KCNIP4: variants seen among roughly 807,000 people sequenced by gnomAD.
KCNIP4 encodes the protein potassium voltage-gated channel interacting protein 4.
Under a neutral mutation model 34.0 loss-of-function variants are expected in KCNIP4, and 12 were observed. The observed-to-expected ratio is 0.35, with a 90% CI of 0.23 to 0.57. The LOEUF (loss-of-function observed/expected upper bound fraction) is 0.57, where lower values mean the gene tolerates loss of function less well. Among genes scored for constraint, KCNIP4 ranks in the 20% least tolerant of loss-of-function variants. The probability of loss-of-function intolerance (pLI) is 0.83; values close to 1 mark genes in which losing one functional copy is unlikely to be tolerated. For missense variants in KCNIP4, 238 were observed against 311.7 expected, an observed-to-expected ratio of 0.76 and a Z score of 1.78; for synonymous variants, 124 against 102.2, an observed-to-expected ratio of 1.21 and a Z score of -1.29.
At chr4:21,079,689 C>T (rs1034890923) in intron 1 of KCNIP4, among the ~76,000 whole-genome samples, 3 of 151,932 alleles carry the variant, frequency 2.0e-5, no homozygotes, top group Non-Finnish European at 4.4e-5. Flanking sequence ...ATTAAGGTTG[C>T]TAATCAGTTG....
intron 1 of KCNIP4, among the ~76,000 whole-genome samples, chr4:21,626,687 AG>A (rs1745355223): frequency 6.6e-6 from 1 of 152,140 alleles, no homozygotes; most frequent in Non-Finnish European, 1.5e-5. Context: ...CAAGCTGTGT[AG>A]ACAACCCTTC....
At chr4:20,740,670 T>C (rs1030685092) in intron 5 of KCNIP4, among the ~76,000 whole-genome samples, 4 of 152,124 alleles carry the variant, frequency 2.6e-5, no homozygotes, top group Non-Finnish European at 5.9e-5. Context: ...CATCAACTAA[T>C]GAGCAAAATA....
intron 1 of KCNIP4, among the ~76,000 whole-genome samples, chr4:21,065,235 T>G (rs905899813): frequency 6.6e-6 from 1 of 151,958 alleles, no homozygotes; most frequent in Non-Finnish European, 1.5e-5. Flanking sequence ...TGTCTTAAAA[T>G]AATCGAGTGT....
intron 3 of KCNIP4, among the ~76,000 whole-genome samples, chr4:20,830,436 C>A (rs980916016): frequency 6.6e-6 from 1 of 152,082 alleles, no homozygotes; most frequent in Non-Finnish European, 1.5e-5. Context: ...ATTCATTTTT[C>A]TCTCTCTTTC....
At chr4:21,628,347 T>C (rs1276467582) in intron 1 of KCNIP4, among the ~76,000 whole-genome samples, 1 of 152,206 alleles carries the variant, frequency 6.6e-6, no homozygotes, top group Non-Finnish European at 1.5e-5. Context: ...ATCTTCATTT[T>C]GCCTGACTAT....
At chr4:21,423,849 C>A (rs1725709950) in intron 1 of KCNIP4, among the ~76,000 whole-genome samples, 1 of 151,664 alleles carries the variant, frequency 6.6e-6, no homozygotes, top group Non-Finnish European at 1.5e-5. Flanking sequence ...GCTCTGTCGC[C>A]CAGGCTGGAG....
intron 1 of KCNIP4, among the ~76,000 whole-genome samples, chr4:21,446,513 A>G (rs1423673536): frequency 1.3e-5 from 2 of 151,682 alleles, no homozygotes; most frequent in Non-Finnish European, 2.9e-5. Flanking sequence ...TTCTCAGCAA[A>G]CTATCGCAAG....
At chr4:20,948,747 C>T (rs1732459337) in intron 1 of KCNIP4, among the ~76,000 whole-genome samples, 1 of 152,126 alleles carries the variant, frequency 6.6e-6, no homozygotes, top group Non-Finnish European at 1.5e-5. Flanking sequence ...TTGGAGATGA[C>T]TCCCTTTGTT....
intron 1 of KCNIP4, among the ~76,000 whole-genome samples, chr4:21,380,259 A>G (rs928485034): frequency 6.6e-6 from 1 of 152,108 alleles, no homozygotes; most frequent in Non-Finnish European, 1.5e-5. Flanking sequence ...AGATAATACT[A>G]TGTAAATATT....
At chr4:21,857,850 C>T (rs1724851662) in intron 1 of KCNIP4, among the ~76,000 whole-genome samples, 1 of 152,204 alleles carries the variant, frequency 6.6e-6, no homozygotes, top group African/African-American at 2.4e-5. Flanking sequence ...GGCAGTGGCC[C>T]TTCAGGGAGC....
At chr4:21,750,367 T>C (rs1717074193) in intron 1 of KCNIP4, among the ~76,000 whole-genome samples, 1 of 152,164 alleles carries the variant, frequency 6.6e-6, no homozygotes, top group Admixed American at 6.6e-5. Context: ...CAAAAACTTA[T>C]GCTGAGGTAG....
intron 1 of KCNIP4, among the ~76,000 whole-genome samples, chr4:21,134,197 G>A (rs1163963715): frequency 6.6e-6 from 1 of 152,128 alleles, no homozygotes; most frequent in Non-Finnish European, 1.5e-5. Flanking sequence ...CCACCCCTGA[G>A]ATAGTAAGAC....
intron 1 of KCNIP4, among the ~76,000 whole-genome samples, chr4:21,178,188 G>T (rs890181005): frequency 6.6e-6 from 1 of 152,096 alleles, no homozygotes. Flanking sequence ...TAATGAAAGT[G>T]GTTAGTCTGG....
At chr4:21,274,251 T>C (rs553737391) in intron 1 of KCNIP4, among the ~76,000 whole-genome samples, 2 of 152,276 alleles carry the variant, frequency 1.3e-5, no homozygotes, top group African/African-American at 2.4e-5. Flanking sequence ...GAATTAAAAA[T>C]TGTGGATCCA....
chr4:21,739,747 G>T (rs79044278), intron 1 of KCNIP4, among the ~76,000 whole-genome samples: 299 of 152,168 alleles, frequency 2.0e-3, no homozygotes, highest in Non-Finnish European at 3.6e-3. Context: ...TTGTCAGGTT[G>T]TCTTGAATAG....
At chr4:21,601,148 A>T (rs1743109303) in intron 1 of KCNIP4, among the ~76,000 whole-genome samples, 1 of 151,788 alleles carries the variant, frequency 6.6e-6, no homozygotes, top group South Asian at 2.1e-4. Context: ...TCCTAGCACC[A>T]ATCTCCCTCC....
chr4:21,412,893 T>A (rs985119271), intron 1 of KCNIP4, among the ~76,000 whole-genome samples: 1 of 152,210 alleles, frequency 6.6e-6, no homozygotes, highest in Non-Finnish European at 1.5e-5. Flanking sequence ...ATACAAGCAT[T>A]CCTCTATCCC....
Position 20,803,304 on chromosome 4 carries a change from A to T in KCNIP4, c.289-44414T>A, listed in dbSNP as rs533875317. Among the ~76,000 whole-genome samples, 6 of 151,578 alleles carry T rather than the reference A, an allele frequency of 4.0e-5. No homozygotes were observed. The South Asian group carries it at 1.3e-3, about 32-fold the overall frequency. On this transcript the variant is annotated intron_variant, in intron 3 of 8. Transcript: ENST00000382152. ...TTAGCAGAAGGAAAGGAATAATAAA[A>T]ATCAGAAGTGAAATAAATAAAATAG...
intron 1 of KCNIP4, among the ~76,000 whole-genome samples, chr4:21,441,131 AC>A (rs1264889484): frequency 3.5e-5 from 5 of 142,340 alleles, no homozygotes; most frequent in Non-Finnish European, 6.1e-5. Context: ...TGTTTATGAC[AC>A]CTTTCTTTTT....
Sources: gnomAD v4.1 joint callset for allele counts (sites outside exome capture counted in the v4.1 genomes callset) on GRCh38, gnomAD v4.1.1 for gene constraint, MANE v1.5 for transcripts, NCBI Gene and HGNC (gene_info 2026-07-23, HGNC 2026-07-21) for gene names.